The following PASD1 variants were observed in gnomAD, a reference collection of about 807,000 sequenced individuals.
The protein encoded by PASD1 is PAS domain containing repressor 1, also known as circadian clock protein PASD1.
Under a neutral mutation model 58.8 loss-of-function variants are expected in PASD1, and 13 were observed. The observed-to-expected ratio is 0.22, with a 90% CI of 0.14 to 0.35. The LOEUF is 0.35. PASD1 is among the 10% of genes least tolerant of loss of function. The pLI is 1.00. For missense variants in PASD1, 734 were observed against 568.3 expected (o/e 1.29, Z -2.96); for synonymous variants, 236 against 216.7 (o/e 1.09, Z -0.78).
chrX:151,632,241 G>T (rs1198164899), intron 8 of PASD1, among the ~76,000 whole-genome samples: 1 of 111,075 alleles, frequency 9.0e-6, no homozygotes, highest in Non-Finnish European at 1.9e-5. Context: ...ATTCCCTGTG[G>T]TTCCTTTGTG....
intron 1 of PASD1, among the ~76,000 whole-genome samples, chrX:151,582,096 C>T (rs1388097087): frequency 6.7e-5 from 7 of 103,981 alleles, no homozygotes; most frequent in African/African-American, 2.5e-4. Context: ...ACGTGATTCA[C>T]CTGCCTCAGC....
At chrX:151,647,352 A>T (rs962650819) in intron 8 of PASD1, among the ~76,000 whole-genome samples, 2 of 111,569 alleles carry the variant, frequency 1.8e-5, no homozygotes, top group African/African-American at 3.2e-5. Flanking sequence ...AAATTATTTT[A>T]AAAATATGTA....
At chrX:151,565,477 G>T (rs780349268) in intron 1 of PASD1, among the ~76,000 whole-genome samples, 14 of 111,236 alleles carry the variant, frequency 1.3e-4, no homozygotes, top group Admixed American at 1.9e-4. Context: ...GCAAAGAACA[G>T]GCGTGAGGGC....
intron 9 of PASD1, among the ~76,000 whole-genome samples, chrX:151,653,762 CTTTCTTTCTTTCTTTCTTTCTTTCTT>C (rs2014173454): frequency 3.5e-4 from 1 of 2,851 alleles, no homozygotes; most frequent in Non-Finnish European, 1.5e-3. Flanking sequence ...TTCTTTCTTT[CTTTCTTTCTTTCTTTCTTTCTTTCTT>C]TCTTTCTTTC....
intron 9 of PASD1, among the ~76,000 whole-genome samples, chrX:151,651,698 A>G (rs1032199202): frequency 6.2e-5 from 7 of 112,510 alleles, no homozygotes; most frequent in African/African-American, 2.3e-4. Flanking sequence ...GAAAAAGAAT[A>G]ATAACACTGA....
At chrX:151,674,764 T>C (rs1049099404) in intron 15 of PASD1, among the ~76,000 whole-genome samples, 2 of 112,178 alleles carry the variant, frequency 1.8e-5, no homozygotes, top group Non-Finnish European at 1.9e-5. Context: ...ACAATTTCAC[T>C]AATGAATGGA....
intron 1 of PASD1, among the ~76,000 whole-genome samples, chrX:151,584,720 G>T (rs1273059951): frequency 1.1e-4 from 12 of 111,989 alleles, no homozygotes; most frequent in Non-Finnish European, 2.1e-4. Context: ...ACATGATGGG[G>T]TTGGTAAACT....
intron 9 of PASD1, among the ~76,000 whole-genome samples, chrX:151,654,295 G>A (rs2014209528): frequency 9.1e-6 from 1 of 110,378 alleles, no homozygotes; most frequent in African/African-American, 3.3e-5. Flanking sequence ...GGGGGGAGGA[G>A]TAATATCAAG....
chrX:151,653,763 T>C (rs939275822), intron 9 of PASD1, among the ~76,000 whole-genome samples: 2 of 3,100 alleles, frequency 6.5e-4, no homozygotes, highest in African/African-American at 1.1e-3. Flanking sequence ...TCTTTCTTTC[T>C]TTCTTTCTTT....
intron 14 of PASD1, chrX:151,673,250 C>G: frequency 8.6e-6 from 1 of 116,564 alleles, no homozygotes; most frequent in Middle Eastern, 4.6e-3. Flanking sequence ...GTTCCAAATG[C>G]TAGAAAGATA....
intron 9 of PASD1, among the ~76,000 whole-genome samples, chrX:151,652,456 C>T (rs1332152589): frequency 9.2e-6 from 1 of 109,047 alleles, no homozygotes; most frequent in Non-Finnish European, 1.9e-5. Flanking sequence ...TCACTTGAAC[C>T]CGGGAGGCGG....
At position 151,676,015 on chromosome X, in the gene PASD1, G is replaced by A; in HGVS notation, c.2194G>A (p.Gly732Arg). 8.3e-7 allele frequency: 1 copy of A among 1,211,257 alleles called. No individual in the cohort carries two copies. Among genetic ancestry groups the A allele is most frequent in the Non-Finnish European group, 1.1e-6 (1 of 894,995 alleles). ...TYHQVQVSEV[G>R]VEGPPDPQAF... ...CTGGCAGGTGCAAGTTTCTGAGGTAGGAGTCGAGGGACCTCCTGATCCACA... is the reference window on the plus strand; with the variant it reads ...CTGGCAGGTGCAAGTTTCTGAGGTAAGAGTCGAGGGACCTCCTGATCCACA... The change falls in exon 16 of 16, where the codon GGA becomes AGA. Residue 732 changes from glycine (G) to arginine (R), a missense_variant. Coordinates refer to ENST00000370357, the MANE Select transcript of PASD1 (RefSeq NM_173493.3).
chrX:151,585,867 G>A (rs35882308), intron 1 of PASD1, among the ~76,000 whole-genome samples: 40,213 of 110,414 alleles, frequency 0.36, 5,642 homozygotes, highest in Non-Finnish European at 0.42. Flanking sequence ...TAATTCTACC[G>A]AATTTTTGTT....
chrX:151,659,366 A>G (rs1293032459), intron 9 of PASD1, among the ~76,000 whole-genome samples: 2 of 111,986 alleles, frequency 1.8e-5, no homozygotes, highest in East Asian at 2.8e-4. Flanking sequence ...CTTGGCAACT[A>G]TCATGACAGC....
intron 1 of PASD1, among the ~76,000 whole-genome samples, chrX:151,593,581 T>G (rs2124243404): frequency 9.0e-6 from 1 of 111,428 alleles, no homozygotes; most frequent in South Asian, 3.9e-4. Flanking sequence ...AACCCATCCT[T>G]TTTTATGGCT....
intron 1 of PASD1, among the ~76,000 whole-genome samples, chrX:151,567,045 A>AAAATAAATAAAT (rs370364202): frequency 1.8e-3 from 174 of 94,953 alleles, no homozygotes; most frequent in Middle Eastern, 5.3e-3. Flanking sequence ...ACTCCGTCTC[A>AAAATAAATAAAT]AAATAAATAA....
rs772783064 is a variant in PASD1, at chrX:151,671,030, C to T, written c.1072-8C>T. The T allele has an allele frequency of 8.3e-7, 1 of 1,207,734 alleles. No homozygotes were observed. The highest frequency in any genetic ancestry group is 1.1e-6 in the Non-Finnish European group (1 of 893,277). On this transcript the variant is annotated splice_region_variant and splice_polypyrimidine_tract_variant and intron_variant, in intron 11 of 15. Transcript: ENST00000370357. ...TATACATGAACCATAAGTAATTCCT[C>T]CCCACAGCCATTACAGCCATCATCA... is the stretch of plus-strand genomic sequence containing the variant.
At chrX:151,661,400 G>T (rs1006106266) in intron 10 of PASD1, among the ~76,000 whole-genome samples, 1 of 111,800 alleles carries the variant, frequency 8.9e-6, no homozygotes, top group Admixed American at 9.5e-5. Flanking sequence ...TGACGGAGTG[G>T]TTCATTCTGC....
chrX:151,566,031 T>G (rs1424189798), intron 1 of PASD1, among the ~76,000 whole-genome samples: 16 of 112,264 alleles, frequency 1.4e-4, no homozygotes, highest in Non-Finnish European at 3.0e-4. Flanking sequence ...TGGTTGTTGG[T>G]AGTAAAACGA....
Sources: gnomAD v4.1 joint callset for allele counts (sites outside exome capture counted in the v4.1 genomes callset) on GRCh38, gnomAD v4.1.1 for gene constraint, MANE v1.5 for transcripts, NCBI Gene and HGNC (gene_info 2026-07-23, HGNC 2026-07-21) for gene names.